HIVEP2: variants seen among roughly 807,000 people sequenced by gnomAD.
The protein encoded by HIVEP2 is transcription factor HIVEP2.
A neutral mutation model predicts 180.7 loss-of-function variants in HIVEP2; 14 were observed. That is an observed-to-expected ratio of 0.08 (90% CI 0.05 to 0.12). The LOEUF is 0.12. HIVEP2 is among the 10% of genes least tolerant of loss of function. The pLI, the probability that HIVEP2 is intolerant of heterozygous loss-of-function variation, is 1.00. For synonymous variants in HIVEP2, 1,184 were observed against 1,136.4 expected, an observed-to-expected ratio of 1.04 and a Z score of -0.84; for missense variants, 2,579 against 3,008.5, an observed-to-expected ratio of 0.86 and a Z score of 3.34.
intron 2 of HIVEP2, among the ~76,000 whole-genome samples, chr6:142,788,655 G>A (rs1776065970): frequency 6.6e-6 from 1 of 152,172 alleles, no homozygotes; most frequent in African/African-American, 2.4e-5. Flanking sequence ...AGAGGTTGCA[G>A]TGAGCCAAGA....
chr6:142,776,634 C>A (rs197507), intron 3 of HIVEP2, among the ~76,000 whole-genome samples: 23 of 151,878 alleles, frequency 1.5e-4, no homozygotes. Context: ...TGAGCTCAGG[C>A]GATCCTCCCA....
chr6:142,849,467 A>G (rs1775593428), intron 1 of HIVEP2, among the ~76,000 whole-genome samples: 1 of 152,216 alleles, frequency 6.6e-6, no homozygotes, highest in South Asian at 2.1e-4. Context: ...AAAAACTAGT[A>G]TTGAAGACTA....
rs117147330 is a variant in HIVEP2 at position 142,820,526 on chromosome 6, C to T, written c.-528+16409G>A. On this transcript the variant is annotated intron_variant, in intron 2 of 9. Coordinates refer to ENST00000367603, the MANE Select transcript of HIVEP2 (RefSeq NM_006734.4). ...CATCCACGAAGGAAAAGGTTGCTTCCTGCTGATTACTCAGTTATAGCTGTT... is the reference window on the plus strand; with the variant it reads ...CATCCACGAAGGAAAAGGTTGCTTCTTGCTGATTACTCAGTTATAGCTGTT... Among the ~76,000 whole-genome samples the T allele has an allele frequency of 6.2e-3, 948 of 152,290 alleles. 8 individuals carry two copies. Among genetic ancestry groups the T allele is most frequent in the Non-Finnish European group, 9.3e-3 (635 of 68,026 alleles).
At chr6:142,923,616 T>A (rs373771235) in intron 1 of HIVEP2, among the ~76,000 whole-genome samples, 4 of 152,212 alleles carry the variant, frequency 2.6e-5, no homozygotes, top group Non-Finnish European at 4.4e-5. Flanking sequence ...CAGTTGTACC[T>A]TAGCAAGGCA....
intron 2 of HIVEP2, among the ~76,000 whole-genome samples, chr6:142,834,673 T>C (rs1423364122): frequency 6.6e-6 from 1 of 152,146 alleles, no homozygotes; most frequent in African/African-American, 2.4e-5. Flanking sequence ...ATAATAATAA[T>C]TTGTATGTAC....
intron 3 of HIVEP2, among the ~76,000 whole-genome samples, chr6:142,781,488 T>C (rs1454811488): frequency 2.0e-5 from 3 of 152,176 alleles, no homozygotes; most frequent in African/African-American, 4.8e-5. Context: ...TCAGGGGATA[T>C]GACTTTGGGT....
intron 9 of HIVEP2, 144 bp from the exon 10 acceptor site, chr6:142,754,075 C>T: frequency 3.6e-6 from 2 of 558,174 alleles, no homozygotes; most frequent in Non-Finnish European, 6.3e-6. Flanking sequence ...TCAAGTTTTC[C>T]TATTTCAAGA....
intron 1 of HIVEP2, among the ~76,000 whole-genome samples, chr6:142,911,957 T>C (rs138229793): frequency 6.6e-6 from 1 of 152,310 alleles, no homozygotes; most frequent in East Asian, 1.9e-4. Context: ...TGGCTAATGA[T>C]ACTGAAAAGC....
intron 2 of HIVEP2, among the ~76,000 whole-genome samples, chr6:142,798,459 A>G (rs1776330624): frequency 6.6e-6 from 1 of 152,116 alleles, no homozygotes; most frequent in African/African-American, 2.4e-5. Context: ...GTGTCATACA[A>G]ATGCTATAAT....
Position 142,771,495 on chromosome 6 carries a change from G to T in HIVEP2, c.3244C>A (p.Arg1082=). ...GGGGAGCCACTGAAGGAAGCTTGCC[G>T]CACCAGAAAGCATTTCTTCCTCTCC... is the stretch of plus-strand genomic sequence containing the variant. ...SRERKKCFLV[R]QASFSGSPEI... The change falls in exon 5 of 10, where the codon CGG becomes AGG. Residue 1082 remains arginine (R), a synonymous_variant. Coordinates refer to ENST00000367603, the MANE Select transcript of HIVEP2 (RefSeq NM_006734.4). The surrounding 1 kb of genome is among the most constrained non-coding windows in gnomAD (Gnocchi z 5.4). 6.2e-7 allele frequency: 1 copy of T among 1,613,606 alleles called. No individual in the cohort carries two copies. The highest frequency in any genetic ancestry group is 8.5e-7 in the Non-Finnish European group (1 of 1,180,022).
Position 142,769,795 on chromosome 6 carries a change from A to T in HIVEP2, c.4944T>A (p.Ser1648Arg), listed in dbSNP as rs1293319312. Residue 1648 changes from serine (S) to arginine (R), a missense_variant, in exon 5 of 10, where the codon AGT becomes AGA. This residue lies in a region of HIVEP2 where 349 missense variants were observed against 367.2 expected (regional missense o/e 0.95). Coordinates refer to ENST00000367603, the MANE Select transcript of HIVEP2 (RefSeq NM_006734.4). Reference sequence around the variant, plus strand: ...GTTTTGTATAATTCAAGAAGCACCAACTCACAGTAGTTGTTGTCCGCAGAC... The same window carrying T: ...GTTTTGTATAATTCAAGAAGCACCATCTCACAGTAGTTGTTGTCCGCAGAC... ...FPSLRTTTTV[S>R]WCFLNYTKPN... 1.2e-6 allele frequency: 2 copies of T among 1,614,160 alleles called. No homozygotes were observed. Among genetic ancestry groups the T allele is most frequent in the East Asian group, 4.5e-5 (2 of 44,880 alleles).
intron 2 of HIVEP2, among the ~76,000 whole-genome samples, chr6:142,818,777 G>GAAAGAA (rs1554214027): frequency 2.3e-5 from 3 of 131,574 alleles, no homozygotes; most frequent in African/African-American, 8.7e-5. Context: ...AAGAAAGAAA[G>GAAAGAA]AAAGAAAGAA....
intron 1 of HIVEP2, among the ~76,000 whole-genome samples, chr6:142,889,390 T>G (rs949279743): frequency 1.3e-5 from 2 of 152,040 alleles, no homozygotes; most frequent in Non-Finnish European, 2.9e-5. Context: ...TTAAGGAATT[T>G]GAGATTATAG....
At chr6:142,833,918 A>T (rs1775158354) in intron 2 of HIVEP2, among the ~76,000 whole-genome samples, 1 of 152,192 alleles carries the variant, frequency 6.6e-6, no homozygotes, top group Non-Finnish European at 1.5e-5. Context: ...AAATACAAGG[A>T]ACCAAACAGA....
chr6:142,942,739 T>C lies in HIVEP2; in HGVS notation c.-641+2360A>G, dbSNP rs548039850. ...TGTAAGATCATTAATATACCACCAT[T>C]CCCAAAATTGTCCCCGAATCAGTCA... On this transcript the variant is annotated intron_variant, in intron 1 of 9. Coordinates refer to ENST00000367603, the MANE Select transcript of HIVEP2 (RefSeq NM_006734.4). Among the ~76,000 whole-genome samples, 6 of 152,244 alleles carry C rather than the reference T, an allele frequency of 3.9e-5. No homozygotes were observed. In the South Asian group the frequency reaches 1.2e-3, roughly 32 times the overall value.
intron 1 of HIVEP2, among the ~76,000 whole-genome samples, chr6:142,883,317 C>A (rs1235792680): frequency 6.6e-6 from 1 of 151,828 alleles, no homozygotes; most frequent in East Asian, 1.9e-4. Context: ...CAGCACGCAG[C>A]CTTGAAATTA....
At chr6:142,933,744 A>G (rs924326459) in intron 1 of HIVEP2, among the ~76,000 whole-genome samples, 1 of 152,234 alleles carries the variant, frequency 6.6e-6, no homozygotes, top group African/African-American at 2.4e-5. Flanking sequence ...GTGTCTAATT[A>G]TTTGTTATAT....
In HIVEP2 at chr6:142,773,807, T is replaced by C. The variant is rs921397256; in HGVS notation, c.932A>G (p.Tyr311Cys). 6 of 1,613,810 alleles carry C rather than the reference T, an allele frequency of 3.7e-6. No homozygotes were observed. In the African/African-American group the frequency reaches 6.7e-5, roughly 18 times the overall value. ...IPLDIASRGG[Y>C]HGSLEESLGG... Reference sequence around the variant, plus strand: ...CAATGATTCTTCCAATGACCCATGATAGCCGCCTCTGCTGGCAATGTCCAG... The same window carrying C: ...CAATGATTCTTCCAATGACCCATGACAGCCGCCTCTGCTGGCAATGTCCAG... The change falls in exon 5 of 10, where the codon TAT becomes TGT. Residue 311 changes from tyrosine to cysteine, a missense_variant. Transcript: ENST00000367603.
chr6:142,846,913 G>A (rs931357099), intron 1 of HIVEP2, among the ~76,000 whole-genome samples: 2 of 152,176 alleles, frequency 1.3e-5, no homozygotes, highest in African/African-American at 4.8e-5. Flanking sequence ...TGAAGGCTAC[G>A]CAGGTAAAGC....
Sources: gnomAD v4.1 joint callset for allele counts (sites outside exome capture counted in the v4.1 genomes callset) on GRCh38, gnomAD v4.1.1 for gene constraint, gnomAD v4.1.1 regional missense constraint, Gnocchi (gnomAD v3.1) non-coding constraint, MANE v1.5 for transcripts, NCBI Gene and HGNC (gene_info 2026-07-23, HGNC 2026-07-21) for gene names.